CA12: variants seen among roughly 807,000 people sequenced by gnomAD.
CA12 encodes carbonate dehydratase XII.
Under a neutral mutation model 46.8 loss-of-function variants are expected in CA12, and 36 were observed. The ratio of observed to expected loss-of-function variants is 0.77; its 90% CI spans 0.59 to 1.02. The LOEUF is 1.02. CA12 is among the 50% of genes least tolerant of loss of function. CA12 has a pLI of 0.00. For missense variants in CA12, 436 were observed against 451.4 expected (o/e 0.97, Z 0.31); for synonymous variants, 202 against 187.0 (o/e 1.08, Z -0.65).
rs1009168347 is a variant in CA12, at chr15:63,372,348, A to C, written c.106+3310T>G. Among the ~76,000 whole-genome samples the C allele has an allele frequency of 6.6e-6, 1 of 152,120 alleles. No individual in the cohort carries two copies. The highest frequency in any genetic ancestry group is 2.4e-5 in the African/African-American group (1 of 41,438). ...CATTCAGCTGCTGTTTCAGCACCCT[A>C]GGAGGGGCTCAAAGAGGTGGCGCTG... On this transcript the variant is annotated intron_variant, in intron 2 of 10. Transcript: ENST00000178638. The surrounding 1 kb of genome is among the most constrained non-coding windows in gnomAD (Gnocchi z 4.5).
At chr15:63,357,132 T>C (rs34437213) in intron 2 of CA12, among the ~76,000 whole-genome samples, 38,305 of 152,150 alleles carry the variant, frequency 0.25, 5,948 homozygotes, top group East Asian at 0.66. Context: ...GTATGGCAGA[T>C]GCTCAATGAA....
chr15:63,365,831 T>C (rs534363871), intron 2 of CA12, among the ~76,000 whole-genome samples: 1 of 152,100 alleles, frequency 6.6e-6, no homozygotes, highest in Non-Finnish European at 1.5e-5. Flanking sequence ...AGTTTGTCAG[T>C]GTTCTACTTA....
chr15:63,338,710 C>G (rs374846849), intron 8 of CA12, 109 bp downstream of exon 8: 1 of 1,482,812 alleles, frequency 6.7e-7, no homozygotes, highest in Non-Finnish European at 9.4e-7. Flanking sequence ...CCAGGGAGCT[C>G]TCAGCCAACT....
chr15:63,363,033 G>A (rs560401748), intron 2 of CA12, among the ~76,000 whole-genome samples: 15 of 152,286 alleles, frequency 9.8e-5, no homozygotes, highest in East Asian at 7.7e-4. Flanking sequence ...CTATCTCACC[G>A]GGTGCTGTGC....
Position 63,345,483 on chromosome 15 carries a change from G to A in CA12, c.423C>T (p.Ala141=), listed in dbSNP as rs771660006. The A allele has an allele frequency of 8.7e-6, 14 of 1,607,506 alleles. No homozygotes were observed. The highest frequency in any genetic ancestry group is 3.3e-4 in the Middle Eastern group (2 of 6,084). Residue 141 remains alanine, a synonymous_variant, in exon 4 of 11, where the codon GCC becomes GCT. Coordinates refer to ENST00000178638, the MANE Select transcript of CA12 (RefSeq NM_001218.5). This position sits in a 1 kb window ranked among gnomAD's most constrained non-coding sequence, Gnocchi z 4.3. ...SEHTVSGQHF[A]AELHIVHYNS... is the part of the protein sequence containing the mutation. ...GACTGGCAGCCCTACTTACCTCGGC[G>A]GCGAAGTGCTGTCCGCTGACGGTGT...
In CA12 at chr15:63,345,202, G is replaced by T. The variant is rs1226837311; in HGVS notation, c.429+275C>A. 6.6e-6 allele frequency among the ~76,000 whole-genome samples: 1 copy of T among 152,216 alleles called. No homozygotes were observed. The highest frequency in any genetic ancestry group is 1.5e-5 in the Non-Finnish European group (1 of 68,040). On this transcript the variant is annotated intron_variant, in intron 4 of 10. Transcript: ENST00000178638. This position sits in a 1 kb window ranked among gnomAD's most constrained non-coding sequence, Gnocchi z 4.3. ...AAGAAGGGCATGTATGTCCCACTGG[G>T]CCACCCTGGGAATACTGCCTCCCCA...
chr15:63,342,159 G>T, intron 4 of CA12, 62 bp from the exon 5 acceptor site: 1 of 1,085,378 alleles, frequency 9.2e-7, no homozygotes, highest in Non-Finnish European at 1.4e-6. Flanking sequence ...TGTCGCTTCT[G>T]CAGAAGACTT....
chr15:63,346,429 A>G, intron 3 of CA12, 101 bp downstream of exon 3: 30 of 455,242 alleles, frequency 6.6e-5, no homozygotes, highest in Non-Finnish European at 1.3e-4. Flanking sequence ...CTCCTCCTGG[A>G]TGCTTCCACG....
At chr15:63,333,325 A>G (rs2038959539) in intron 8 of CA12, among the ~76,000 whole-genome samples, 1 of 152,240 alleles carries the variant, frequency 6.6e-6, no homozygotes, top group Non-Finnish European at 1.5e-5. Context: ...TCCTGAACAT[A>G]GTCTGCCCTG....
rs2038794816 is a variant in CA12 at position 63,321,835 on chromosome 15, G to C, written c.*4450C>G. 1 of 152,326 alleles carries C rather than the reference G, an allele frequency of 6.6e-6. No individual in the cohort carries two copies. Among genetic ancestry groups the C allele is most frequent in the Non-Finnish European group, 1.5e-5 (1 of 68,082 alleles). The allele number at this position is 152,326 out of a possible 1,614,324, so 9.4% of individuals were successfully genotyped here. On this transcript the variant is annotated 3_prime_UTR_variant, in exon 11 of 11. Coordinates refer to ENST00000178638, the MANE Select transcript of CA12 (RefSeq NM_001218.5). This position sits in a 1 kb window ranked among gnomAD's most constrained non-coding sequence, Gnocchi z 4.5. ...CCGCGGGGACCTGGGGCACAGCCGG[G>C]CCCACTGCGGCGAGGCGAGGAGATG...
intron 2 of CA12, among the ~76,000 whole-genome samples, chr15:63,375,141 C>A (rs937271536): frequency 6.6e-6 from 1 of 152,222 alleles, no homozygotes; most frequent in Admixed American, 6.5e-5. Context: ...AGACAAGCAT[C>A]CCTCTTTCAC....
rs982592527 is a variant in CA12 at position 63,375,537 on chromosome 15, A to T, written c.106+121T>A. 4.3e-6 allele frequency: 3 copies of T among 695,084 alleles called. No individual in the cohort carries two copies. The Admixed American group carries it at 7.5e-5, about 17-fold the overall frequency. The allele number at this position is 695,084 out of a possible 1,614,324, so 43.1% of individuals were successfully genotyped here. A position where few individuals can be genotyped will look rare whatever the true frequency, so the allele number is the denominator to read the frequency against. On this transcript the variant is annotated intron_variant, in intron 2 of 10. Coordinates refer to ENST00000178638, the MANE Select transcript of CA12 (RefSeq NM_001218.5). ...CTTTGTACTCTCTTTCTACAATACA[A>T]GAACTGTGCTTCCGACCCTTCAAAA...
intron 2 of CA12, among the ~76,000 whole-genome samples, chr15:63,364,332 G>GAAAGAAA (rs2039408329): frequency 1.8e-5 from 1 of 56,138 alleles, no homozygotes; most frequent in African/African-American, 7.0e-5. Context: ...CCCGTCACTA[G>GAAAGAAA]AAAAAAAAAA....
chr15:63,343,506 C>T (rs1401243937), intron 4 of CA12, among the ~76,000 whole-genome samples: 1 of 151,976 alleles, frequency 6.6e-6, no homozygotes, highest in African/African-American at 2.4e-5. Flanking sequence ...GTCTCGAACT[C>T]CTGACCTCCG....
At chr15:63,334,940 A>G (rs2038981622) in intron 8 of CA12, among the ~76,000 whole-genome samples, 1 of 152,202 alleles carries the variant, frequency 6.6e-6, no homozygotes, top group Admixed American at 6.5e-5. Context: ...CCATCATCAC[A>G]CTGAAATGTT....
intron 2 of CA12, among the ~76,000 whole-genome samples, chr15:63,357,287 G>A (rs1211761744): frequency 6.6e-6 from 1 of 152,208 alleles, no homozygotes; most frequent in East Asian, 1.9e-4. Context: ...TTCTGATTCA[G>A]TACTTCACGG....
At chr15:63,370,810 T>C (rs764290356) in intron 2 of CA12, among the ~76,000 whole-genome samples, 1 of 151,834 alleles carries the variant, frequency 6.6e-6, no homozygotes, top group Non-Finnish European at 1.5e-5. Context: ...GAAAAACATG[T>C]CTGGCCTTTT....
chr15:63,358,659 G>C (rs1021221697), intron 2 of CA12, among the ~76,000 whole-genome samples: 2 of 152,154 alleles, frequency 1.3e-5, no homozygotes, highest in Non-Finnish European at 2.9e-5. Context: ...GGGGGAAATC[G>C]GGGTATCTAA....
intron 8 of CA12, among the ~76,000 whole-genome samples, 172 bp downstream of exon 8, chr15:63,338,647 G>T (rs1437950694): frequency 1.3e-5 from 2 of 152,168 alleles, no homozygotes; most frequent in East Asian, 3.9e-4. Flanking sequence ...CTGAAGGGGG[G>T]ACCCCAGTGA....
Sources: gnomAD v4.1 joint callset for allele counts (sites outside exome capture counted in the v4.1 genomes callset) on GRCh38, gnomAD v4.1.1 for gene constraint, Gnocchi (gnomAD v3.1) non-coding constraint, MANE v1.5 for transcripts, NCBI Gene and HGNC (gene_info 2026-07-23, HGNC 2026-07-21) for gene names.